Variants in FBXO32 observed in about 807,000 individuals in gnomAD.
FBXO32 encodes the protein F-box protein 32, also known as F-box only protein 32.
A neutral mutation model predicts 48.3 loss-of-function variants in FBXO32; 15 were observed. The ratio of observed to expected loss-of-function variants is 0.31; its 90% CI spans 0.21 to 0.48. FBXO32 has a LOEUF of 0.48. FBXO32 is among the 20% of genes least tolerant of loss of function. The pLI is 0.99. For missense variants in FBXO32, 309 were observed against 432.7 expected, an observed-to-expected ratio of 0.71 and a Z score of 2.54; for synonymous variants, 154 against 165.9, an observed-to-expected ratio of 0.93 and a Z score of 0.55.
chr8:123,523,183 G>C (rs1586997437), intron 4 of FBXO32, among the ~76,000 whole-genome samples: 1 of 152,124 alleles, frequency 6.6e-6, no homozygotes, highest in East Asian at 1.9e-4. Context: ...ATCCCTCCTT[G>C]GATGAGAAAA....
intron 4 of FBXO32, among the ~76,000 whole-genome samples, chr8:123,528,404 T>C (rs4242341): frequency 0.66 from 99,855 of 152,168 alleles, 34,291 homozygotes; most frequent in African/African-American, 0.88. Context: ...ATCCTTCCAG[T>C]TCCTCAAGGG....
At chr8:123,523,583 C>T (rs55688371) in intron 4 of FBXO32, among the ~76,000 whole-genome samples, 15,588 of 150,528 alleles carry the variant, frequency 0.1, 887 homozygotes, top group African/African-American at 0.13. Flanking sequence ...GGTGAGACTC[C>T]GTCTCAAAAC....
rs2130489237 is a variant in FBXO32, at chr8:123,501,207, A to G, written c.*2166T>C. 6.6e-6 allele frequency: 1 copy of G among 152,324 alleles called. No homozygotes were observed. The highest frequency in any genetic ancestry group is 2.4e-5 in the African/African-American group (1 of 41,572). The allele number at this position is 152,324 out of a possible 1,614,324, so 9.4% of individuals were successfully genotyped here. ...TGTCACTAAGAGTCAAAAGTTCCAG[A>G]GCTCTCTCAGTGATGGCACACCCAA... On this transcript the variant is annotated 3_prime_UTR_variant, in exon 9 of 9. Coordinates refer to ENST00000517956, the MANE Select transcript of FBXO32 (RefSeq NM_058229.4).
In FBXO32 at chr8:123,531,900, G is replaced by A. The variant is rs763628567; in HGVS notation, c.370C>T (p.Arg124Trp). 8.1e-6 allele frequency: 13 copies of A among 1,613,890 alleles called. No homozygotes were observed. Among genetic ancestry groups the A allele is most frequent in the African/African-American group, 1.3e-5 (1 of 74,892 alleles). Residue 124 changes from arginine (R) to tryptophan (W), a missense_variant and splice_region_variant, in exon 4 of 9, where the codon CGG becomes TGG. By Grantham distance (101) the Arg-to-Trp change is moderately radical (BLOSUM62 -3). Coordinates refer to ENST00000517956, the MANE Select transcript of FBXO32 (RefSeq NM_058229.4). ...LDSRRFNYVVRLLELIAKSQL... is the reference protein window; with the variant it reads ...LDSRRFNYVVWLLELIAKSQL... ...GCCTTTAGGCACTTGAGACTTACCC[G>A]GACCACGTAGTTAAATCTTCTGGAA...
At chr8:123,532,086 C>A in intron 3 of FBXO32, 96 bp from the exon 4 acceptor site, 1 of 1,551,560 alleles carries the variant, frequency 6.4e-7, no homozygotes. Flanking sequence ...TGGATTTTGC[C>A]GAATGAGCTT....
At chr8:123,528,736 T>C (rs1031016912) in intron 4 of FBXO32, among the ~76,000 whole-genome samples, 1 of 152,234 alleles carries the variant, frequency 6.6e-6, no homozygotes, top group Non-Finnish European at 1.5e-5. Flanking sequence ...GCCATCTCTT[T>C]TATTACCTCT....
chr8:123,524,710 GT>G (rs1247778574), intron 4 of FBXO32, among the ~76,000 whole-genome samples: 1 of 152,140 alleles, frequency 6.6e-6, no homozygotes, highest in African/African-American at 2.4e-5. Flanking sequence ...TAGAGACGGG[GT>G]TTCACCATCT....
intron 4 of FBXO32, among the ~76,000 whole-genome samples, chr8:123,515,017 G>C (rs1376314053): frequency 1.3e-5 from 2 of 152,182 alleles, no homozygotes; most frequent in Non-Finnish European, 2.9e-5. Context: ...ACATGTATTA[G>C]CTCCGTGATG....
intron 1 of FBXO32, among the ~76,000 whole-genome samples, chr8:123,536,965 G>A (rs1306816094): frequency 6.6e-6 from 1 of 152,172 alleles, no homozygotes; most frequent in African/African-American, 2.4e-5. Flanking sequence ...TTCTCTCACC[G>A]TAGAATGTAG....
chr8:123,503,658 C>T (rs968917515), intron 8 of FBXO32, among the ~76,000 whole-genome samples, 196 bp from the exon 9 acceptor site: 4 of 152,090 alleles, frequency 2.6e-5, no homozygotes, highest in African/African-American at 9.7e-5. Context: ...TGGTGGTTAC[C>T]AGAGCCGGGA....
At chr8:123,536,291 C>T (rs1247699959) in intron 1 of FBXO32, among the ~76,000 whole-genome samples, 1 of 152,122 alleles carries the variant, frequency 6.6e-6, no homozygotes, top group Non-Finnish European at 1.5e-5. Flanking sequence ...AGATAGAGTC[C>T]TGCAGAAATG....
chr8:123,540,954 C>A lies in FBXO32; in HGVS notation c.61G>T (p.Gly21Cys). The change falls in exon 1 of 9, where the codon GGC (glycine) becomes TGC (cysteine). Residue 21 changes from glycine to cysteine, a missense_variant. Transcript: ENST00000517956. The surrounding 1 kb of genome is among the most constrained non-coding windows in gnomAD (Gnocchi z 6.4). Reference sequence around the variant, plus strand: ...TTCTCATCCAGGAAGCGCTTCCAGCCGTCGGCCGTCTTCACCCAGTTCTGC... The same window carrying A: ...TTCTCATCCAGGAAGCGCTTCCAGCAGTCGGCCGTCTTCACCCAGTTCTGC... Reference protein sequence around the residue: ...PGQNWVKTADGWKRFLDEKSG... With the variant: ...PGQNWVKTADCWKRFLDEKSG... 6.2e-7 allele frequency: 1 copy of A among 1,613,456 alleles called. No homozygotes were observed. The highest frequency in any genetic ancestry group is 8.5e-7 in the Non-Finnish European group (1 of 1,179,730).
At chr8:123,537,736 G>A (rs1817335979) in intron 1 of FBXO32, among the ~76,000 whole-genome samples, 1 of 152,194 alleles carries the variant, frequency 6.6e-6, no homozygotes, top group Non-Finnish European at 1.5e-5. Context: ...ACAGTGCCTT[G>A]CACACAGTAA....
chr8:123,527,201 C>T, intron 4 of FBXO32: 1 of 152,186 alleles, frequency 6.6e-6, no homozygotes, highest in Non-Finnish European at 1.5e-5. Context: ...TGCAGACCTT[C>T]AAGGTAGAGT....
intron 2 of FBXO32, 102 bp from the exon 3 acceptor site, chr8:123,533,342 A>C: frequency 1.0e-6 from 1 of 960,576 alleles, no homozygotes; most frequent in Non-Finnish European, 1.6e-6. Flanking sequence ...TTTTGACAAA[A>C]AAGATAAGGA....
rs1237254110 is a variant in FBXO32, at chr8:123,537,952, G to C, written c.116+2947C>G. Among the ~76,000 whole-genome samples, 3 of 152,096 alleles carry C rather than the reference G, an allele frequency of 2.0e-5. No homozygotes were observed. In the East Asian group the frequency reaches 5.8e-4, roughly 29 times the overall value. On this transcript the variant is annotated intron_variant, in intron 1 of 8. Coordinates refer to ENST00000517956, the MANE Select transcript of FBXO32 (RefSeq NM_058229.4). The stretch of plus-strand genomic sequence containing the variant: ...CGGTGAGGGGGTGGTTGCTGAGGAA[G>C]GCTGTGCGGGTGCCTGAACCACCAC...
chr8:123,533,228 T>C lies in FBXO32; in HGVS notation c.242A>G (p.Glu81Gly). ...SKTKTQYFHQ[E>G]KWIYVHKGST... ...TCCTTTGTGAACATAGATCCATTTT[T>C]CTTGGTGGAAATCTACAGAGACAAA... The change falls in exon 3 of 9, where the codon GAA becomes GGA. Residue 81 changes from glutamate (E) to glycine (G), a missense_variant. Coordinates refer to ENST00000517956, the MANE Select transcript of FBXO32 (RefSeq NM_058229.4). The C allele has an allele frequency of 6.2e-7, 1 of 1,612,898 alleles. No homozygotes were observed. The highest frequency in any genetic ancestry group is 8.5e-7 in the Non-Finnish European group (1 of 1,178,886).
rs1423998022 is a variant in FBXO32 at position 123,513,191 on chromosome 8, C to T, written c.651+7G>A. The T allele has an allele frequency of 5.0e-6, 8 of 1,613,774 alleles. No homozygotes were observed. Among genetic ancestry groups the T allele is most frequent in the Non-Finnish European group, 6.8e-6 (8 of 1,179,858 alleles). On this transcript the variant is annotated splice_region_variant and intron_variant, in intron 6 of 8. Coordinates refer to ENST00000517956, the MANE Select transcript of FBXO32 (RefSeq NM_058229.4). This position sits in a 1 kb window ranked among gnomAD's most constrained non-coding sequence, Gnocchi z 4.3. ...CTGCCGGGAGGAGGCTGGGCCTGCCCGCTTACCCTGGTGATCTGAATGTTG... is the reference window on the plus strand; with the variant it reads ...CTGCCGGGAGGAGGCTGGGCCTGCCTGCTTACCCTGGTGATCTGAATGTTG...
rs1205869212 is a variant in FBXO32 at position 123,512,529 on chromosome 8, C to CT, written c.651+668dup. Reference sequence around the variant, plus strand: ...AGAGATTACACCAGCGTCTTCCTCCCTTTTTTTTTTTTTTTTTTTCTTGTG... The same window carrying CT: ...AGAGATTACACCAGCGTCTTCCTCCCTTTTTTTTTTTTTTTTTTTTCTTGTG... On this transcript the variant is annotated intron_variant, in intron 6 of 8. Transcript: ENST00000517956. Among the ~76,000 whole-genome samples the CT allele has an allele frequency of 3.4e-3, 455 of 135,384 alleles. 3 individuals are homozygous for CT. The highest frequency in any genetic ancestry group is 0.011 in the Middle Eastern group (3 of 270). The allele number at this position is 135,384 out of a possible 152,430, so 88.8% of individuals were successfully genotyped here.
Sources: allele counts gnomAD v4.1 joint callset (sites outside exome capture counted in the v4.1 genomes callset), GRCh38; gene constraint gnomAD v4.1.1; non-coding constraint Gnocchi (gnomAD v3.1); transcripts MANE v1.5; gene names NCBI Gene and HGNC (gene_info 2026-07-23, HGNC 2026-07-21).